PDK1: variants seen among roughly 807,000 people sequenced by gnomAD.
The protein encoded by PDK1 is [Pyruvate dehydrogenase (acetyl-transferring)] kinase isozyme 1, mitochondrial.
A neutral mutation model predicts 54.2 loss-of-function variants in PDK1; 39 were observed. The ratio of observed to expected loss-of-function variants is 0.72; its 90% CI spans 0.56 to 0.94. The LOEUF (loss-of-function observed/expected upper bound fraction) is 0.94. Ranked by LOEUF, PDK1 falls within the 40% of genes least tolerant of loss-of-function variation. The pLI, the probability that PDK1 is intolerant of heterozygous loss-of-function variation, is 0.00. For synonymous variants in PDK1, 221 were observed against 207.1 expected, an observed-to-expected ratio of 1.07 and a Z score of -0.58; for missense variants, 552 against 566.0, an observed-to-expected ratio of 0.98 and a Z score of 0.25.
the PDK1 span, among the ~76,000 whole-genome samples, chr2:172,669,319 T>G: frequency 2.0e-5 from 3 of 152,182 alleles, no homozygotes; most frequent in African/African-American, 7.2e-5. Flanking sequence ...AGTGCTGGGA[T>G]TACAGGCGTG....
chr2:172,633,828 G>T, the PDK1 span, among the ~76,000 whole-genome samples: 122 of 133,076 alleles, frequency 9.2e-4, no homozygotes, highest in African/African-American at 3.2e-3. Flanking sequence ...TTGTTTTATG[G>T]ATTTTAAAAT....
rs1428351903 is a variant in PDK1 at position 172,603,180 on chromosome 2, T to G, written c.*7211T>G. 1 of 152,154 alleles carries G rather than the reference T, an allele frequency of 6.6e-6. No homozygotes were observed. The highest frequency in any genetic ancestry group is 2.1e-4 in the South Asian group (1 of 4,830). 9.4% of individuals were successfully genotyped at this position (152,154 alleles called of 1,614,324 possible). A position where few individuals can be genotyped will look rare whatever the true frequency, so the allele number is the denominator to read the frequency against. ...TAGCAAAGGACTAAAGGTTGTGAGA[T>G]AAACTGCTTTTAGCAGCCCAAAGGG... On this transcript the variant is annotated 3_prime_UTR_variant, in exon 11 of 11. Coordinates refer to ENST00000282077, the MANE Select transcript of PDK1 (RefSeq NM_002610.5).
chr2:172,665,529 C>A, the PDK1 span, among the ~76,000 whole-genome samples: 1 of 152,146 alleles, frequency 6.6e-6, no homozygotes, highest in Non-Finnish European at 1.5e-5. Context: ...CACTTTTTGT[C>A]CTTTGTTTGG....
chr2:172,724,201 A>G, the PDK1 span: 1 of 152,206 alleles, frequency 6.6e-6, no homozygotes, highest in Non-Finnish European at 1.5e-5. Flanking sequence ...AGGTTGCTGG[A>G]TCAAATGGCC....
the PDK1 span, among the ~76,000 whole-genome samples, chr2:172,706,178 C>T: frequency 6.6e-6 from 1 of 152,140 alleles, no homozygotes; most frequent in Admixed American, 6.5e-5. Flanking sequence ...AACTGTGAAT[C>T]TGTCCTCCAT....
At chr2:172,698,019 C>T in the PDK1 span, among the ~76,000 whole-genome samples, 1 of 152,170 alleles carries the variant, frequency 6.6e-6, no homozygotes, top group Non-Finnish European at 1.5e-5. Context: ...TTCTGAAGTA[C>T]AATCCCACAA....
At chr2:172,640,298 G>A in the PDK1 span, among the ~76,000 whole-genome samples, 1 of 152,176 alleles carries the variant, frequency 6.6e-6, no homozygotes, top group Admixed American at 6.5e-5. Flanking sequence ...TGGAGAAGAT[G>A]TCTTATATTT....
At chr2:172,645,808 A>G in the PDK1 span, among the ~76,000 whole-genome samples, 9 of 152,338 alleles carry the variant, frequency 5.9e-5, no homozygotes, top group East Asian at 1.7e-3. Flanking sequence ...GATTCAGCAC[A>G]GTACCTGGCA....
At chr2:172,591,152 C>T (rs1403279163) in intron 9 of PDK1, among the ~76,000 whole-genome samples, 1 of 152,102 alleles carries the variant, frequency 6.6e-6, no homozygotes. Context: ...AGCTTGATGG[C>T]CTTGATTCTA....
chr2:172,626,202 G>T, the PDK1 span, among the ~76,000 whole-genome samples: 1 of 152,104 alleles, frequency 6.6e-6, no homozygotes, highest in South Asian at 2.1e-4. Flanking sequence ...AGTTGCTGAG[G>T]CTCATTTATT....
At chr2:172,693,861 C>T in the PDK1 span, among the ~76,000 whole-genome samples, 1 of 152,160 alleles carries the variant, frequency 6.6e-6, no homozygotes, top group African/African-American at 2.4e-5. Flanking sequence ...CAGCCCACTC[C>T]CTAACTACAA....
At chr2:172,713,856 C>T in the PDK1 span, among the ~76,000 whole-genome samples, 2 of 152,226 alleles carry the variant, frequency 1.3e-5, no homozygotes, top group African/African-American at 2.4e-5. Context: ...GAGCGCACAG[C>T]CCTGGCTGCA....
At chr2:172,686,429 G>A in the PDK1 span, among the ~76,000 whole-genome samples, 3 of 152,014 alleles carry the variant, frequency 2.0e-5, no homozygotes, top group South Asian at 2.1e-4. Context: ...ACCAATTAGC[G>A]CTCTGTAGCT....
chr2:172,634,969 A>C, the PDK1 span, among the ~76,000 whole-genome samples: 1 of 152,158 alleles, frequency 6.6e-6, no homozygotes, highest in Non-Finnish European at 1.5e-5. Flanking sequence ...ATTGAAAACT[A>C]ATTGTTTAAA....
chr2:172,691,519 A>C, the PDK1 span: 1 of 152,228 alleles, frequency 6.6e-6, no homozygotes, highest in South Asian at 2.1e-4. Flanking sequence ...TTATAGAATC[A>C]TTACAGAGTA....
chr2:172,697,087 T>C, the PDK1 span, among the ~76,000 whole-genome samples: 1 of 152,142 alleles, frequency 6.6e-6, no homozygotes, highest in African/African-American at 2.4e-5. Flanking sequence ...TGAGAGCATA[T>C]TTCCCAACTT....
the PDK1 span, among the ~76,000 whole-genome samples, chr2:172,716,966 G>A: frequency 6.6e-6 from 1 of 152,186 alleles, no homozygotes; most frequent in African/African-American, 2.4e-5. Context: ...AAACCTGAGT[G>A]TGGATTGGAG....
chr2:172,561,704 G>A (rs1290753658), intron 2 of PDK1, among the ~76,000 whole-genome samples: 1 of 152,096 alleles, frequency 6.6e-6, no homozygotes, highest in Non-Finnish European at 1.5e-5. Flanking sequence ...TTTTTGTTCA[G>A]TTTAAAAGAA....
chr2:172,617,601 CCTG>C, the PDK1 span, among the ~76,000 whole-genome samples: 1 of 152,082 alleles, frequency 6.6e-6, no homozygotes, highest in Non-Finnish European at 1.5e-5. Flanking sequence ...CAAACCAACT[CCTG>C]CAGGCCATTT....
Sources: allele counts gnomAD v4.1 joint callset (sites outside exome capture counted in the v4.1 genomes callset), GRCh38; gene constraint gnomAD v4.1.1; transcripts MANE v1.5; gene names NCBI Gene and HGNC (gene_info 2026-07-23, HGNC 2026-07-21).